Variants in GAS2L3 observed in about 807,000 individuals in gnomAD.
GAS2L3 encodes the protein growth arrest specific 2 like 3, also known as GAS2-like protein 3.
Under a neutral mutation model 37.0 loss-of-function variants are expected in GAS2L3, and 28 were observed. The ratio of observed to expected loss-of-function variants is 0.76; its 90% CI spans 0.56 to 1.04. The LOEUF (loss-of-function observed/expected upper bound fraction) is 1.04. Among genes scored for constraint, GAS2L3 ranks in the 50% least tolerant of loss-of-function variants. The pLI, the probability that GAS2L3 is intolerant of heterozygous loss-of-function variation, is 0.00. For missense variants in GAS2L3, 793 were observed against 817.6 expected (o/e 0.97, Z 0.37); for synonymous variants, 290 against 296.6 (o/e 0.98, Z 0.23).
chr12:100,600,465 G>T lies in GAS2L3; in HGVS notation c.102G>T (p.Gln34His). 1 of 1,613,156 alleles carries T rather than the reference G, an allele frequency of 6.2e-7. No individual in the cohort carries two copies. The highest frequency in any genetic ancestry group is 2.2e-5 in the East Asian group (1 of 44,860). ...GACCAGGATTGGCTAATGTTTGTCA[G>T]TACGATGAGTGGATAGCTGTGAGGC... ...RHGPGLANVC[Q>H]YDEWIAVRHE... is the part of the protein sequence containing the mutation. The change falls in exon 4 of 10, where the codon CAG (glutamine) becomes CAT (histidine). Residue 34 changes from glutamine to histidine, a missense_variant. Coordinates refer to ENST00000547754, the MANE Select transcript of GAS2L3 (RefSeq NM_174942.3).
intron 6 of GAS2L3, among the ~76,000 whole-genome samples, chr12:100,613,816 A>G (rs1956155766): frequency 1.3e-5 from 2 of 151,936 alleles, no homozygotes. Context: ...GGGTGGTCTC[A>G]ATCTCCTGAC....
chr12:100,622,749 T>TAAAAAAAAAAAAAAAAAAAAAAAAAAA, intron 9 of GAS2L3, among the ~76,000 whole-genome samples: 5 of 26,842 alleles, frequency 1.9e-4, no homozygotes, highest in South Asian at 2.9e-3. Flanking sequence ...GTATCCATAG[T>TAAAAAAAAAAAAAAAAAAAAAAAAAAA]AAAAAAAAAA....
intron 5 of GAS2L3, among the ~76,000 whole-genome samples, chr12:100,603,784 T>C (rs1401388919): frequency 6.6e-6 from 1 of 152,160 alleles, no homozygotes; most frequent in Non-Finnish European, 1.5e-5. Flanking sequence ...AAGTCTTTAA[T>C]CCATTTTTAT....
At chr12:100,585,788 G>A (rs1198084479) in intron 1 of GAS2L3, among the ~76,000 whole-genome samples, 1 of 152,140 alleles carries the variant, frequency 6.6e-6, no homozygotes, top group Non-Finnish European at 1.5e-5. Flanking sequence ...AGTGGAGACT[G>A]TTAGATTCTA....
intron 9 of GAS2L3, 134 bp downstream of exon 9, chr12:100,622,516 G>C: frequency 1.9e-6 from 1 of 519,430 alleles, no homozygotes. Flanking sequence ...GGATTTCACT[G>C]TACAGGGAAA....
At chr12:100,594,264 A>AT (rs549567942) in intron 2 of GAS2L3, among the ~76,000 whole-genome samples, 24 of 151,892 alleles carry the variant, frequency 1.6e-4, no homozygotes, top group South Asian at 1.2e-3. Flanking sequence ...GAATTAAAGT[A>AT]TTTTTTTTCC....
At chr12:100,576,991 T>C (rs1043416574) in intron 1 of GAS2L3, among the ~76,000 whole-genome samples, 11 of 152,174 alleles carry the variant, frequency 7.2e-5, no homozygotes, top group Non-Finnish European at 1.2e-4. Context: ...TAAGAAAGTA[T>C]AATATTAGCT....
intron 5 of GAS2L3, among the ~76,000 whole-genome samples, chr12:100,604,305 T>A (rs2136484606): frequency 6.6e-6 from 1 of 152,140 alleles, no homozygotes; most frequent in East Asian, 1.9e-4. Flanking sequence ...TAGAGATATT[T>A]CACTTCTTAG....
chr12:100,622,858 AGAATCAGTAT>A (rs1000731666), intron 9 of GAS2L3, among the ~76,000 whole-genome samples: 1 of 151,242 alleles, frequency 6.6e-6, no homozygotes, highest in Non-Finnish European at 1.5e-5. Context: ...TCATTGACAC[AGAATCAGTAT>A]GTATACCAGT....
intron 1 of GAS2L3, chr12:100,579,704 A>G: frequency 2.6e-6 from 2 of 774,054 alleles, no homozygotes; most frequent in South Asian, 2.7e-5. Flanking sequence ...TCATGGAAGC[A>G]GCCAGCTGTG....
At chr12:100,608,926 A>G (rs1052603714) in intron 5 of GAS2L3, among the ~76,000 whole-genome samples, 1 of 152,160 alleles carries the variant, frequency 6.6e-6, no homozygotes, top group Admixed American at 6.5e-5. Context: ...CTGGGCAGAG[A>G]AGCCTCTCCC....
intron 2 of GAS2L3, chr12:100,594,060 A>G (rs1955880295): frequency 6.6e-6 from 1 of 152,026 alleles, no homozygotes; most frequent in Non-Finnish European, 1.5e-5. Context: ...ATAGCATTAT[A>G]GCTTTGTAAT....
chr12:100,623,854 C>T lies in GAS2L3; in HGVS notation c.1049C>T (p.Pro350Leu). The change falls in exon 10 of 10, where the codon CCA becomes CTA. Residue 350 changes from proline to leucine, a missense_variant. By Grantham distance (98) the Pro-to-Leu change is moderately conservative. Coordinates refer to ENST00000547754, the MANE Select transcript of GAS2L3 (RefSeq NM_174942.3). Reference protein sequence around the residue: ...PKSKEKQGRPPGALVPASSLK... With the variant: ...PKSKEKQGRPLGALVPASSLK... ...AGCAAAGAAAAACAGGGACGTCCAC[C>T]AGGTGCATTGGTGCCAGCATCTTCA... 1 of 1,613,948 alleles carries T rather than the reference C, an allele frequency of 6.2e-7. No individual in the cohort carries two copies. The highest frequency in any genetic ancestry group is 1.3e-5 in the African/African-American group (1 of 75,006).
chr12:100,589,073 A>G (rs568222050), intron 1 of GAS2L3, among the ~76,000 whole-genome samples: 2 of 152,360 alleles, frequency 1.3e-5, no homozygotes, highest in South Asian at 4.1e-4. Context: ...TAACAGGATT[A>G]AGAGATTAAA....
Position 100,587,430 on chromosome 12 carries a change from T to C in GAS2L3, c.-151-4306T>C, listed in dbSNP as rs143251246. On this transcript the variant is annotated intron_variant, in intron 1 of 9. Transcript: ENST00000547754. ...CCAGGGATGCAAGGATGGTTTAACA[T>C]ATGCGAGTCAGTAAATGTGATACAG... Among the ~76,000 whole-genome samples the C allele has an allele frequency of 3.0e-4, 45 of 152,328 alleles. 1 individual carries two copies. In the East Asian group the frequency reaches 7.7e-3, roughly 26 times the overall value.
At chr12:100,622,749 TAAAAAAAA>T in intron 9 of GAS2L3, among the ~76,000 whole-genome samples, 11 of 26,838 alleles carry the variant, frequency 4.1e-4, no homozygotes, top group African/African-American at 8.2e-4. Flanking sequence ...GTATCCATAG[TAAAAAAAA>T]AAAAAAAAAA....
intron 9 of GAS2L3, among the ~76,000 whole-genome samples, chr12:100,623,205 A>G (rs1956281132): frequency 6.6e-6 from 1 of 152,196 alleles, no homozygotes; most frequent in Non-Finnish European, 1.5e-5. Context: ...ACTTAGAGTT[A>G]AAATTTGTGG....
At chr12:100,603,359 G>T (rs1482735549) in intron 5 of GAS2L3, among the ~76,000 whole-genome samples, 2 of 152,092 alleles carry the variant, frequency 1.3e-5, no homozygotes, top group Non-Finnish European at 2.9e-5. Context: ...ATATCTCATT[G>T]TAGTTTTGAT....
rs1956325057 is a variant in GAS2L3 at position 100,625,632 on chromosome 12, A to C, written c.*742A>C. 1 of 152,212 alleles carries C rather than the reference A, an allele frequency of 6.6e-6. No homozygotes were observed. The highest frequency in any genetic ancestry group is 2.4e-5 in the African/African-American group (1 of 41,462). The allele number at this position is 152,212 out of a possible 1,614,324, so 9.4% of individuals were successfully genotyped here. The stretch of plus-strand genomic sequence containing the variant: ...TTTTTTATATTATCTATAAAAACGT[A>C]GACACCTTATGTTTCACATGTTGTG... On this transcript the variant is annotated 3_prime_UTR_variant, in exon 10 of 10. Transcript: ENST00000547754.
Sources: gnomAD v4.1 joint callset for allele counts (sites outside exome capture counted in the v4.1 genomes callset) on GRCh38, gnomAD v4.1.1 for gene constraint, MANE v1.5 for transcripts, NCBI Gene and HGNC (gene_info 2026-07-23, HGNC 2026-07-21) for gene names.